CLDN14: variants seen among roughly 807,000 people sequenced by gnomAD.
The protein encoded by CLDN14 is claudin 14.
A neutral mutation model predicts 2.1 loss-of-function variants in CLDN14; 2 were observed. The observed-to-expected ratio is 0.96, with a 90% CI of 0.39 to 3.01. The LOEUF (loss-of-function observed/expected upper bound fraction) is 3.01. Among genes scored for constraint, CLDN14 ranks in the 30% most tolerant of loss-of-function variants. The pLI, the probability that CLDN14 is intolerant of heterozygous loss-of-function variation, is 0.09. For synonymous variants in CLDN14, 136 were observed against 154.4 expected (o/e 0.88, Z 0.88); for missense variants, 298 against 328.0 (o/e 0.91, Z 0.71).
At position 36,551,264 on chromosome 21, in the gene CLDN14, C is replaced by T. The variant is rs574583691; in HGVS notation, c.-220+25147G>A. ...AGACCACGATGGCTTGGCCCCCTCC[C>T]CTTGGCCTCTGCGCTGGGAGGGAGG... On this transcript the variant is annotated intron_variant, in intron 1 of 2. Coordinates refer to the CLDN14 transcript ENST00000342108. This position sits in a 1 kb window ranked among gnomAD's most constrained non-coding sequence, Gnocchi z 4.8. Among the ~76,000 whole-genome samples, 1 of 152,226 alleles carries T rather than the reference C, an allele frequency of 6.6e-6. No individual in the cohort carries two copies. Among genetic ancestry groups the T allele is most frequent in the Admixed American group, 6.5e-5 (1 of 15,286 alleles).
At chr21:36,558,317 A>C (rs1478198482) in intron 1 of CLDN14, among the ~76,000 whole-genome samples, 1 of 152,116 alleles carries the variant, frequency 6.6e-6, no homozygotes, top group Non-Finnish European at 1.5e-5. Flanking sequence ...TGTTTCTTTG[A>C]AAAATGCCAT....
rs778283119 is a variant in CLDN14 at position 36,461,128 on chromosome 21, G to A, written c.568C>T (p.Pro190Ser). Residue 190 changes from proline to serine, a missense_variant, in exon 2 of 2, where the codon CCC becomes TCC. Physicochemically the swap from Pro to Ser is moderately conservative, Grantham distance 74 (BLOSUM62 -1). Coordinates refer to ENST00000399135, the MANE Select transcript of CLDN14 (RefSeq NM_001146079.2). ...GGCGGGGCCTGGTAGGGCCTGTAGG[G>A]TGCCTCGTCCTGGCAGGACAGGCAA... ...LLCLSCQDEA[P>S]YRPYQAPPRA... 2.5e-6 allele frequency: 4 copies of A among 1,613,926 alleles called. No homozygotes were observed. The African/African-American group carries it at 5.3e-5, about 22-fold the overall frequency.
At chr21:36,572,999 C>T (rs2087719307) in intron 1 of CLDN14, among the ~76,000 whole-genome samples, 1 of 152,154 alleles carries the variant, frequency 6.6e-6, no homozygotes, top group African/African-American at 2.4e-5. Flanking sequence ...ATAGGAAATA[C>T]ACTGTAAGAA....
At chr21:36,493,340 G>A (rs57149462) in intron 2 of CLDN14, among the ~76,000 whole-genome samples, 2,714 of 152,232 alleles carry the variant, frequency 0.018, 55 homozygotes, top group African/African-American at 0.054. Context: ...GGCAGGGCAC[G>A]GAGGAGAAAT....
intron 2 of CLDN14, chr21:36,487,291 G>T (rs982491259): frequency 1.8e-5 from 4 of 223,762 alleles, no homozygotes; most frequent in Non-Finnish European, 2.7e-5. Context: ...CCTGTTGTGG[G>T]TTTTGAATGA....
At chr21:36,473,757 A>G (rs1601596872) in intron 1 of CLDN14, among the ~76,000 whole-genome samples, 1 of 152,036 alleles carries the variant, frequency 6.6e-6, no homozygotes, top group Non-Finnish European at 1.5e-5. Context: ...GATTCTAGGA[A>G]CCCTCCAACA....
At chr21:36,534,661 C>T (rs1270907471) in intron 1 of CLDN14, among the ~76,000 whole-genome samples, 1 of 152,124 alleles carries the variant, frequency 6.6e-6, no homozygotes, top group Non-Finnish European at 1.5e-5. Flanking sequence ...GCCTTATGTG[C>T]CAGACATTCT....
chr21:36,488,220 CCCTTCCTTCCTTCCTTCCTTCCTT>C lies in CLDN14; in HGVS notation c.-82+22119_-82+22142del, dbSNP rs747508864. ...TGCAAAAAGACAAATACTGTGATTC[CCCTTCCTTCCTTCCTTCCTTCCTT>C]CCTTCCTTCCTTCCTTCCTTCCTTC... On this transcript the variant is annotated intron_variant, in intron 2 of 2. Transcript: ENST00000342108. 6.2e-4 allele frequency among the ~76,000 whole-genome samples: 60 copies of C among 97,298 alleles called. 1 individual carries two copies. The highest frequency in any genetic ancestry group is 2.2e-3 in the African/African-American group (52 of 24,014). 63.8% of individuals were successfully genotyped at this position (97,298 alleles called of 152,430 possible).
intron 2 of CLDN14, among the ~76,000 whole-genome samples, chr21:36,485,268 C>A (rs1196787146): frequency 6.7e-6 from 1 of 148,516 alleles, no homozygotes; most frequent in Non-Finnish European, 1.5e-5. Context: ...AGTGCAGTGG[C>A]GTGATTTTTG....
At chr21:36,532,958 C>G (rs16994241) in intron 1 of CLDN14, among the ~76,000 whole-genome samples, 6,308 of 152,208 alleles carry the variant, frequency 0.041, 429 homozygotes, top group African/African-American at 0.14. Context: ...CTATCTAACC[C>G]TTTGAGTCAC....
At chr21:36,561,453 GGACACCATCA>G (rs1373990549) in intron 1 of CLDN14, among the ~76,000 whole-genome samples, 1 of 152,214 alleles carries the variant, frequency 6.6e-6, no homozygotes, top group African/African-American at 2.4e-5. Flanking sequence ...ATCTGCCTCT[GGACACCATCA>G]GACACAGGTC....
intron 1 of CLDN14, among the ~76,000 whole-genome samples, chr21:36,563,633 C>T (rs1027735945): frequency 1.3e-4 from 20 of 152,114 alleles, no homozygotes; most frequent in African/African-American, 4.8e-4. Context: ...AATTTTTCCC[C>T]TTGTTGATTT....
intron 1 of CLDN14, among the ~76,000 whole-genome samples, chr21:36,556,334 C>T (rs892685630): frequency 1.5e-4 from 23 of 152,254 alleles, no homozygotes; most frequent in African/African-American, 5.1e-4. Context: ...GCCTACACAG[C>T]GATGGATGAA....
rs564596018 is a variant in CLDN14 at position 36,527,411 on chromosome 21, T to C, written c.-219-16911A>G. 2.6e-5 allele frequency among the ~76,000 whole-genome samples: 4 copies of C among 152,370 alleles called. No individual in the cohort carries two copies. The East Asian group carries it at 7.7e-4, about 29-fold the overall frequency. On this transcript the variant is annotated intron_variant, in intron 1 of 2. Transcript: ENST00000342108. ...CTGCGTCCAGAATAATTGGACTTTA[T>C]TGCCTTCCTTCCATGCATGAACTGA...
At chr21:36,515,354 C>A (rs541143296) in intron 1 of CLDN14, among the ~76,000 whole-genome samples, 12 of 152,226 alleles carry the variant, frequency 7.9e-5, no homozygotes, top group Admixed American at 5.9e-4. Context: ...GTATCCATAT[C>A]ATGGGACATG....
Position 36,461,637 on chromosome 21 carries a change from C to G in CLDN14, c.59G>C (p.Gly20Ala), listed in dbSNP as rs982935102. The G allele has an allele frequency of 1.9e-6, 3 of 1,578,794 alleles. No individual in the cohort carries two copies. Among genetic ancestry groups the G allele is most frequent in the Non-Finnish European group, 2.6e-6 (3 of 1,163,112 alleles). ...GFLLSFLGMV[G>A]TLITTILPHW... is the part of the protein sequence containing the mutation. ...CGGCAGGATGGTGGTGATCAACGTG[C>G]CCACCATGCCCAGGAAGCTGAGCAG... Residue 20 changes from glycine to alanine, a missense_variant, in exon 2 of 2, where the codon GGC becomes GCC. Coordinates refer to ENST00000399135, the MANE Select transcript of CLDN14 (RefSeq NM_001146079.2).
At chr21:36,569,445 G>A (rs1014950482) in intron 1 of CLDN14, among the ~76,000 whole-genome samples, 8 of 151,906 alleles carry the variant, frequency 5.3e-5, no homozygotes, top group Admixed American at 2.6e-4. Flanking sequence ...TAAATAAAGC[G>A]AAAGTGTTAG....
At chr21:36,469,722 G>A (rs560585768) in intron 1 of CLDN14, among the ~76,000 whole-genome samples, 2 of 152,214 alleles carry the variant, frequency 1.3e-5, no homozygotes, top group East Asian at 1.9e-4. Context: ...TTGATTTACC[G>A]AAAACTACAA....
In CLDN14 at chr21:36,463,909, T is replaced by G. The variant is rs562865546; in HGVS notation, c.-81-2133A>C. ...AGGTAATTGGTTCTGTCCTGGTGAA[T>G]GAACAAACAAAAATAAATAATAACA... On this transcript the variant is annotated intron_variant, in intron 1 of 1. Coordinates refer to ENST00000399135, the MANE Select transcript of CLDN14 (RefSeq NM_001146079.2). 2.0e-5 allele frequency among the ~76,000 whole-genome samples: 3 copies of G among 152,318 alleles called. No individual in the cohort carries two copies. In the South Asian group the frequency reaches 6.2e-4, roughly 32 times the overall value.
Sources: allele counts gnomAD v4.1 joint callset (sites outside exome capture counted in the v4.1 genomes callset), GRCh38; gene constraint gnomAD v4.1.1; non-coding constraint Gnocchi (gnomAD v3.1); transcripts MANE v1.5; gene names NCBI Gene and HGNC (gene_info 2026-07-23, HGNC 2026-07-21).